Variants in SIAH1 observed in about 807,000 individuals in gnomAD.
SIAH1 encodes the protein siah E3 ubiquitin protein ligase 1.
In SIAH1, 2 loss-of-function variants were observed where a neutral mutation model predicts 20.0. The ratio of observed to expected loss-of-function variants is 0.10; its 90% CI spans 0.04 to 0.31. The LOEUF (loss-of-function observed/expected upper bound fraction) is 0.31. SIAH1 is among the 10% of genes least tolerant of loss of function. The pLI is 1.00. For missense variants in SIAH1, 119 were observed against 355.3 expected (o/e 0.33, Z 5.35); for synonymous variants, 118 against 125.3 (o/e 0.94, Z 0.39).
At position 48,360,592 on chromosome 16, in the gene SIAH1, CA is replaced by C. The variant is rs1250835715; in HGVS notation, c.*987del. ...TATAAAAGACCAAAAACATTTTTTG[CA>C]AACTGCCTTTTTAAACAAATGATTT... On this transcript the variant is annotated 3_prime_UTR_variant, in exon 2 of 2. Transcript: ENST00000394725. 1 of 152,534 alleles carries C rather than the reference CA, an allele frequency of 6.6e-6. No homozygotes were observed. Among genetic ancestry groups the C allele is most frequent in the Non-Finnish European group, 1.5e-5 (1 of 68,012 alleles). 9.4% of individuals were successfully genotyped at this position (152,534 alleles called of 1,614,324 possible). A position where few individuals can be genotyped will look rare whatever the true frequency, so the allele number is the denominator to read the frequency against.
chr16:48,363,151 G>A (rs1248432399), intron 1 of SIAH1: 1 of 167,006 alleles, frequency 6.0e-6, no homozygotes, highest in African/African-American at 2.4e-5. Context: ...ACTAATCCGA[G>A]GATACCGCGG....
rs1290150196 is a variant in SIAH1 at position 48,362,991 on chromosome 16, T to TAA, written c.-2-563_-2-562dup. The stretch of plus-strand genomic sequence containing the variant: ...TACAAAATTTTTAAAATACAGTCTA[T>TAA]AACAACTATTTACATATTGTTTACA... On this transcript the variant is annotated intron_variant, in intron 1 of 1. Transcript: ENST00000394725. This position sits in a 1 kb window ranked among gnomAD's most constrained non-coding sequence, Gnocchi z 4.2. The TAA allele has an allele frequency of 6.0e-6, 1 of 166,252 alleles. No homozygotes were observed. Among genetic ancestry groups the TAA allele is most frequent in the East Asian group, 1.9e-4 (1 of 5,218 alleles). 10.3% of individuals were successfully genotyped at this position (166,252 alleles called of 1,614,324 possible).
At chr16:48,365,649 C>T in intron 1 of SIAH1, 1 of 1,430,632 alleles carries the variant, frequency 7.0e-7, no homozygotes, top group Admixed American at 2.8e-5. Context: ...GAAGCCTTTC[C>T]ATCCCCAGGA....
intron 1 of SIAH1, among the ~76,000 whole-genome samples, chr16:48,366,753 T>G (rs898350575): frequency 2.0e-5 from 3 of 152,190 alleles, no homozygotes; most frequent in African/African-American, 7.2e-5. Context: ...AATTGCAGAT[T>G]ACCCACTTTC....
chr16:48,363,687 C>CA (rs1370593144), intron 1 of SIAH1: 9 of 167,276 alleles, frequency 5.4e-5, no homozygotes, highest in African/African-American at 1.7e-4. Flanking sequence ...GAACCCCTTG[C>CA]AGCCTAGGGT....
chr16:48,379,239 T>TG lies in SIAH1; in HGVS notation c.-3+5964dup, dbSNP rs371093771. On this transcript the variant is annotated intron_variant, in intron 1 of 1. Coordinates refer to ENST00000394725, the MANE Select transcript of SIAH1 (RefSeq NM_003031.4). Reference sequence around the variant, plus strand: ...CACTCTAGCATTAGGACATGGGGGCTGGGGGGGCGAGGGGAAGGCAGGGAA... The same window carrying TG: ...CACTCTAGCATTAGGACATGGGGGCTGGGGGGGGCGAGGGGAAGGCAGGGAA... Among the ~76,000 whole-genome samples the TG allele has an allele frequency of 3.6e-3, 534 of 147,166 alleles. 5 individuals are homozygous for TG. The highest frequency in any genetic ancestry group is 0.013 in the African/African-American group (510 of 39,888).
chr16:48,385,341 C>T lies in SIAH1; in HGVS notation c.-140G>A, dbSNP rs1367663266. The T allele has an allele frequency of 1.3e-5, 2 of 159,768 alleles. No individual in the cohort carries two copies. Among genetic ancestry groups the T allele is most frequent in the African/African-American group, 4.9e-5 (2 of 41,046 alleles). The allele number at this position is 159,768 out of a possible 1,614,324, so 9.9% of individuals were successfully genotyped here. A position where few individuals can be genotyped will look rare whatever the true frequency, so the allele number is the denominator to read the frequency against. On this transcript the variant is annotated 5_prime_UTR_variant, in exon 1 of 2. Transcript: ENST00000394725. ...GACACCCTGGGCCGCCGCCGCCTCT[C>T]GAGAGCGCGCCCCGCAACGGCCGCC...
rs534919148 is a variant in SIAH1, at chr16:48,384,249, CTGTT to C, written c.-3+951_-3+954del. Among the ~76,000 whole-genome samples, 1,116 of 152,268 alleles carry C rather than the reference CTGTT, an allele frequency of 7.3e-3. 18 individuals carry two copies. The highest frequency in any genetic ancestry group is 0.026 in the African/African-American group (1,071 of 41,548). ...TCCCATATCCAGTATCCATGTCTCTCTGTTTGTTTATGGCCTCTATGACTTTGGC... is the reference window on the plus strand; with the variant it reads ...TCCCATATCCAGTATCCATGTCTCTCTGTTTATGGCCTCTATGACTTTGGC... On this transcript the variant is annotated intron_variant, in intron 1 of 1. Coordinates refer to ENST00000394725, the MANE Select transcript of SIAH1 (RefSeq NM_003031.4).
chr16:48,376,392 A>C (rs1961110482), intron 1 of SIAH1, among the ~76,000 whole-genome samples: 1 of 152,178 alleles, frequency 6.6e-6, no homozygotes, highest in South Asian at 2.1e-4. Flanking sequence ...TTTTCTCAAA[A>C]TTCCTCAAAT....
chr16:48,378,521 A>C (rs1269656407), intron 1 of SIAH1, among the ~76,000 whole-genome samples: 1 of 152,232 alleles, frequency 6.6e-6, no homozygotes, highest in Non-Finnish European at 1.5e-5. Context: ...TGGTTACAAT[A>C]GCGTTCCTTT....
chr16:48,376,146 T>C (rs1023744630), intron 1 of SIAH1, among the ~76,000 whole-genome samples: 6 of 152,324 alleles, frequency 3.9e-5, no homozygotes, highest in South Asian at 2.1e-4. Context: ...TACACCAAAA[T>C]GTCTATGATG....
chr16:48,380,632 T>C (rs1961252076), intron 1 of SIAH1, among the ~76,000 whole-genome samples: 1 of 151,004 alleles, frequency 6.6e-6, no homozygotes, highest in Admixed American at 6.6e-5. Flanking sequence ...AACAGTAAGA[T>C]ACCACTACAG....
At chr16:48,381,615 C>A (rs950952676) in intron 1 of SIAH1, among the ~76,000 whole-genome samples, 1 of 152,106 alleles carries the variant, frequency 6.6e-6, no homozygotes, top group Non-Finnish European at 1.5e-5. Context: ...GTGGAGGAAA[C>A]CTAAATGCAT....
At chr16:48,377,683 GCCACGCTGAGCCT>G (rs1961147338) in intron 1 of SIAH1, among the ~76,000 whole-genome samples, 1 of 151,704 alleles carries the variant, frequency 6.6e-6, no homozygotes, top group Non-Finnish European at 1.5e-5. Context: ...GGCGTGAGCC[GCCACGCTGAGCCT>G]CCTGAAGATT....
At chr16:48,365,970 G>GC in intron 1 of SIAH1, 1 of 1,109,288 alleles carries the variant, frequency 9.0e-7, no homozygotes, top group Non-Finnish European at 1.1e-6. Context: ...AACCCGGGGC[G>GC]CCAGGGCCAG....
chr16:48,361,083 A>C lies in SIAH1; in HGVS notation c.*497T>G, dbSNP rs1960565914. 6.5e-6 allele frequency: 1 copy of C among 152,774 alleles called. No homozygotes were observed. The highest frequency in any genetic ancestry group is 2.4e-5 in the African/African-American group (1 of 41,466). 9.5% of individuals were successfully genotyped at this position (152,774 alleles called of 1,614,324 possible). Reference sequence around the variant, plus strand: ...AAAAGTCAAATTTATTTAATGAAAAACTAAAATTAATAAAAATTAGCAAAT... The same window carrying C: ...AAAAGTCAAATTTATTTAATGAAAACCTAAAATTAATAAAAATTAGCAAAT... On this transcript the variant is annotated 3_prime_UTR_variant, in exon 2 of 2. Coordinates refer to ENST00000394725, the MANE Select transcript of SIAH1 (RefSeq NM_003031.4).
intron 1 of SIAH1, among the ~76,000 whole-genome samples, chr16:48,381,064 T>C (rs1961276231): frequency 6.6e-6 from 1 of 151,912 alleles, no homozygotes. Context: ...GGAAGACAGT[T>C]TGGCAATTTC....
intron 1 of SIAH1, among the ~76,000 whole-genome samples, chr16:48,380,782 G>A (rs1367642309): frequency 6.6e-6 from 1 of 151,838 alleles, no homozygotes; most frequent in Admixed American, 6.6e-5. Flanking sequence ...AGAAAAATTA[G>A]CCGGGCGTGG....
At chr16:48,367,101 T>C (rs753044222) in intron 1 of SIAH1, among the ~76,000 whole-genome samples, 59 of 152,160 alleles carry the variant, frequency 3.9e-4, no homozygotes, top group Non-Finnish European at 7.1e-4. Context: ...GGAGTCCCCA[T>C]GTTGCCCAGG....
Sources: gnomAD v4.1 joint callset for allele counts (sites outside exome capture counted in the v4.1 genomes callset) on GRCh38, gnomAD v4.1.1 for gene constraint, Gnocchi (gnomAD v3.1) non-coding constraint, MANE v1.5 for transcripts, NCBI Gene and HGNC (gene_info 2026-07-23, HGNC 2026-07-21) for gene names.